Variants in CTNNA2 observed in about 807,000 individuals in gnomAD.
CTNNA2 encodes the protein catenin alpha-2.
In CTNNA2, 42 loss-of-function variants were observed where a neutral mutation model predicts 101.0. The ratio of observed to expected loss-of-function variants is 0.42; its 90% confidence interval spans 0.32 to 0.54. The LOEUF is 0.54. Ranked by LOEUF, CTNNA2 falls within the 20% of genes least tolerant of loss-of-function variation. The pLI, the probability that CTNNA2 is intolerant of heterozygous loss-of-function variation, is 0.14. For synonymous variants in CTNNA2, 450 were observed against 456.4 expected (o/e 0.99, Z 0.18); for missense variants, 871 against 1,223.1 (o/e 0.71, Z 4.29).
Position 79,433,934 on chromosome 2 carries a change from T to C in CTNNA2, c.-135+59921T>C, listed in dbSNP as rs145340929. On this transcript the variant is annotated intron_variant, in intron 4 of 21. Coordinates refer to the CTNNA2 transcript ENST00000466387. The stretch of plus-strand genomic sequence containing the variant: ...AATGATTGCTAAAGAAGCCAAGCAA[T>C]AGAATAAAGAGCACATATTTTTCAT... 2.6e-5 allele frequency among the ~76,000 whole-genome samples: 4 copies of C among 152,164 alleles called. No homozygotes were observed. In the East Asian group the frequency reaches 7.7e-4, roughly 29 times the overall value.
intron 2 of CTNNA2, among the ~76,000 whole-genome samples, chr2:79,706,557 C>A (rs11682196): frequency 0.15 from 22,145 of 151,932 alleles, 1,775 homozygotes; most frequent in Middle Eastern, 0.19. Context: ...CCTTTCCTTG[C>A]CATCATCTTT....
At chr2:79,837,154 A>G (rs913760861) in intron 3 of CTNNA2, among the ~76,000 whole-genome samples, 1 of 152,152 alleles carries the variant, frequency 6.6e-6, no homozygotes, top group Non-Finnish European at 1.5e-5. Context: ...TTAAGTATTA[A>G]CTCATGTGAT....
At chr2:80,291,933 A>C (rs1675299494) in intron 7 of CTNNA2, among the ~76,000 whole-genome samples, 1 of 152,326 alleles carries the variant, frequency 6.6e-6, no homozygotes, top group South Asian at 2.1e-4. Context: ...GTATGGGCTA[A>C]GGCCTGGCCA....
chr2:79,588,306 T>C (rs1458299390), intron 1 of CTNNA2, among the ~76,000 whole-genome samples: 1 of 152,222 alleles, frequency 6.6e-6, no homozygotes, highest in Non-Finnish European at 1.5e-5. Flanking sequence ...AGACAGTATT[T>C]CACTTGGACG....
At chr2:80,626,421 T>G (rs2149817805) in intron 18 of CTNNA2, among the ~76,000 whole-genome samples, 1 of 152,192 alleles carries the variant, frequency 6.6e-6, no homozygotes, top group African/African-American at 2.4e-5. Context: ...GCTTCCTAGC[T>G]ATGTTAGTAC....
intron 7 of CTNNA2, among the ~76,000 whole-genome samples, chr2:80,025,512 C>A (rs1202684536): frequency 6.6e-6 from 1 of 152,178 alleles, no homozygotes; most frequent in Non-Finnish European, 1.5e-5. Flanking sequence ...GCAGCTCATG[C>A]AAAGTCATGA....
At chr2:79,484,810 C>T (rs1671142420) in intron 4 of CTNNA2, among the ~76,000 whole-genome samples, 1 of 152,188 alleles carries the variant, frequency 6.6e-6, no homozygotes, top group Admixed American at 6.6e-5. Context: ...ACTCCTCTTA[C>T]ATTACTCTTG....
chr2:80,530,372 A>G (rs1483411441), intron 9 of CTNNA2, among the ~76,000 whole-genome samples: 2 of 152,206 alleles, frequency 1.3e-5, no homozygotes, highest in East Asian at 3.9e-4. Flanking sequence ...AGGGCACTCA[A>G]CAAGGGAGCT....
rs536937607 is a variant in CTNNA2 at position 80,452,981 on chromosome 2, T to A, written c.1290+33380T>A. Reference sequence around the variant, plus strand: ...GAGTAGGATGAAAGGCTGGGGTGCCTTCTAGGCCAGGTATAGCTGGGGTTG... The same window carrying A: ...GAGTAGGATGAAAGGCTGGGGTGCCATCTAGGCCAGGTATAGCTGGGGTTG... On this transcript the variant is annotated intron_variant, in intron 9 of 18. Transcript: ENST00000402739. 1.3e-3 allele frequency among the ~76,000 whole-genome samples: 204 copies of A among 152,190 alleles called. 2 individuals carry two copies. The highest frequency in any genetic ancestry group is 4.5e-3 in the African/African-American group (189 of 41,548).
At chr2:79,689,577 A>G (rs1389889623) in intron 2 of CTNNA2, among the ~76,000 whole-genome samples, 1 of 152,072 alleles carries the variant, frequency 6.6e-6, no homozygotes, top group African/African-American at 2.4e-5. Context: ...ATGACATTAA[A>G]TAAAAAATGA....
intron 17 of CTNNA2, chr2:80,612,903 C>T (rs1698580257): frequency 6.6e-6 from 1 of 151,434 alleles, no homozygotes; most frequent in East Asian, 1.9e-4. Context: ...GGTAGATGTT[C>T]TAGGAATTCA....
intron 9 of CTNNA2, among the ~76,000 whole-genome samples, chr2:80,521,726 G>T (rs1335473078): frequency 6.6e-6 from 1 of 152,132 alleles, no homozygotes. Context: ...CTCCGGAAAA[G>T]AATATAGCAC....
At chr2:79,670,001 T>C (rs1249003932) in intron 2 of CTNNA2, among the ~76,000 whole-genome samples, 1 of 152,090 alleles carries the variant, frequency 6.6e-6, no homozygotes, top group African/African-American at 2.4e-5. Flanking sequence ...GAGCAGACGC[T>C]GGGAGGAGAG....
intron 9 of CTNNA2, among the ~76,000 whole-genome samples, chr2:80,539,361 ATATTGT>A (rs1573189993): frequency 7.0e-6 from 1 of 143,728 alleles, no homozygotes. Context: ...TCTGCTAATG[ATATTGT>A]TAATGTTAAG....
At chr2:79,834,418 CTT>C (rs1220104425) in intron 3 of CTNNA2, among the ~76,000 whole-genome samples, 2 of 152,008 alleles carry the variant, frequency 1.3e-5, no homozygotes, top group East Asian at 3.9e-4. Context: ...TTTCAATGTT[CTT>C]GATGAATTTT....
At chr2:80,038,996 G>A (rs1248518603) in intron 7 of CTNNA2, among the ~76,000 whole-genome samples, 1 of 152,204 alleles carries the variant, frequency 6.6e-6, no homozygotes, top group African/African-American at 2.4e-5. Context: ...AAGGCAGTCA[G>A]GTTCTAGGGC....
intron 7 of CTNNA2, among the ~76,000 whole-genome samples, chr2:79,941,822 T>A (rs953081965): frequency 7.9e-5 from 12 of 152,048 alleles, no homozygotes; most frequent in African/African-American, 2.9e-4. Flanking sequence ...TGTCACCATG[T>A]TGGCCAGGCT....
intron 9 of CTNNA2, among the ~76,000 whole-genome samples, chr2:80,515,707 G>C (rs1192473852): frequency 2.0e-5 from 3 of 152,180 alleles, no homozygotes; most frequent in Non-Finnish European, 4.4e-5. Flanking sequence ...GCTCAGATTT[G>C]TAAAGAAACA....
chr2:79,611,994 G>A (rs1460201856), intron 1 of CTNNA2, among the ~76,000 whole-genome samples: 1 of 152,070 alleles, frequency 6.6e-6, no homozygotes, highest in South Asian at 2.1e-4. Flanking sequence ...GTTTAACGAG[G>A]TTGCTAGAAC....
Sources: gnomAD v4.1 joint callset for allele counts (sites outside exome capture counted in the v4.1 genomes callset) on GRCh38, gnomAD v4.1.1 for gene constraint, MANE v1.5 for transcripts, NCBI Gene and HGNC (gene_info 2026-07-23, HGNC 2026-07-21) for gene names.